The following ERBB4 variants were observed in gnomAD, a reference collection of about 807,000 sequenced individuals.
The protein encoded by ERBB4 is erb-b2 receptor tyrosine kinase 4.
Under a neutral mutation model 158.0 loss-of-function variants are expected in ERBB4, and 42 were observed. That is an observed-to-expected ratio of 0.27 (90% CI 0.21 to 0.34). The LOEUF is 0.34. Among genes scored for constraint, ERBB4 ranks in the 10% least tolerant of loss-of-function variants. ERBB4 has a pLI of 1.00. For missense variants in ERBB4, 1,333 were observed against 1,624.1 expected, an observed-to-expected ratio of 0.82 and a Z score of 3.08; for synonymous variants, 583 against 558.7, an observed-to-expected ratio of 1.04 and a Z score of -0.61.
At chr2:211,785,575 C>G (rs1008314300) in intron 4 of ERBB4, among the ~76,000 whole-genome samples, 1 of 152,016 alleles carries the variant, frequency 6.6e-6, no homozygotes, top group African/African-American at 2.4e-5. Flanking sequence ...GTCTGTAATT[C>G]GCTTTTGAGT....
intron 1 of ERBB4, among the ~76,000 whole-genome samples, chr2:212,140,483 AG>A (rs2080422359): frequency 6.8e-6 from 1 of 147,646 alleles, no homozygotes; most frequent in African/African-American, 2.5e-5. Flanking sequence ...ACTAGTTTTA[AG>A]TATTGTAAAT....
chr2:212,061,311 G>A (rs1162917503), intron 2 of ERBB4, among the ~76,000 whole-genome samples: 4 of 151,582 alleles, frequency 2.6e-5, no homozygotes, highest in African/African-American at 9.7e-5. Context: ...AACTTAGCAG[G>A]GTGTGGTGGT....
chr2:212,516,222 T>C (rs896982014), intron 1 of ERBB4, among the ~76,000 whole-genome samples: 1 of 152,042 alleles, frequency 6.6e-6, no homozygotes, highest in African/African-American at 2.4e-5. Context: ...ATAGTAGTGA[T>C]TATTTCTAAG....
At chr2:211,849,046 C>T (rs1248414930) in intron 3 of ERBB4, among the ~76,000 whole-genome samples, 1 of 151,912 alleles carries the variant, frequency 6.6e-6, no homozygotes, top group Non-Finnish European at 1.5e-5. Flanking sequence ...TTTTTTAAAT[C>T]CCTGCTAATT....
At chr2:211,782,311 G>A (rs1410870004) in intron 4 of ERBB4, among the ~76,000 whole-genome samples, 1 of 152,194 alleles carries the variant, frequency 6.6e-6, no homozygotes, top group Non-Finnish European at 1.5e-5. Flanking sequence ...AGACTGTGAA[G>A]TTGATGCTTT....
intron 1 of ERBB4, among the ~76,000 whole-genome samples, chr2:212,347,186 A>G (rs1204683160): frequency 6.6e-6 from 1 of 152,144 alleles, no homozygotes; most frequent in Non-Finnish European, 1.5e-5. Flanking sequence ...GAGATTTGAT[A>G]TGCAGATAAA....
At chr2:212,312,080 G>T (rs539893876) in intron 1 of ERBB4, among the ~76,000 whole-genome samples, 7 of 151,100 alleles carry the variant, frequency 4.6e-5, no homozygotes, top group Admixed American at 2.0e-4. Context: ...AGAAAGCGAA[G>T]ATTTTTCCTG....
intron 1 of ERBB4, among the ~76,000 whole-genome samples, chr2:212,502,908 C>T (rs1469977518): frequency 6.6e-6 from 1 of 152,016 alleles, no homozygotes; most frequent in East Asian, 1.9e-4. Flanking sequence ...GTAGCTGGGA[C>T]TACAGGAACA....
intron 16 of ERBB4, among the ~76,000 whole-genome samples, chr2:211,649,047 T>C (rs1292938703): frequency 6.6e-6 from 1 of 151,892 alleles, no homozygotes; most frequent in Non-Finnish European, 1.5e-5. Flanking sequence ...GATTAGTTTA[T>C]CTGATGTATT....
rs532716992 is a variant in ERBB4 at position 212,325,463 on chromosome 2, T to C, written c.83-200560A>G. ...AAAGAGAGATTAAAATCTTCTGAAATTGGTTAATTGATTGCCTGACAGTTA... is the reference window on the plus strand; with the variant it reads ...AAAGAGAGATTAAAATCTTCTGAAACTGGTTAATTGATTGCCTGACAGTTA... On this transcript the variant is annotated intron_variant, in intron 1 of 27. Coordinates refer to ENST00000342788, the MANE Select transcript of ERBB4 (RefSeq NM_005235.3). 3.0e-4 allele frequency among the ~76,000 whole-genome samples: 45 copies of C among 150,896 alleles called. 2 individuals carry two copies. The highest frequency in any genetic ancestry group is 2.8e-3 in the Admixed American group (42 of 15,136).
rs544382524 is a variant in ERBB4 at position 212,008,289 on chromosome 2, C to T, written c.235-60673G>A. 2.0e-4 allele frequency among the ~76,000 whole-genome samples: 31 copies of T among 152,102 alleles called. No individual in the cohort carries two copies. In the South Asian group the frequency reaches 3.1e-3, roughly 15 times the overall value. ...TGTCATTTGTTTTTGGATTCCCCTA[C>T]GACACAGTCGAGATTTATTTATTTA... On this transcript the variant is annotated intron_variant, in intron 2 of 27. Coordinates refer to ENST00000342788, the MANE Select transcript of ERBB4 (RefSeq NM_005235.3).
intron 3 of ERBB4, among the ~76,000 whole-genome samples, chr2:211,790,624 A>T (rs2076258141): frequency 6.6e-6 from 1 of 152,022 alleles, no homozygotes; most frequent in Non-Finnish European, 1.5e-5. Context: ...AATCCAGCAT[A>T]ATCTTACACG....
intron 3 of ERBB4, among the ~76,000 whole-genome samples, chr2:211,944,416 T>C (rs1005823926): frequency 2.0e-5 from 3 of 151,630 alleles, no homozygotes; most frequent in Admixed American, 6.6e-5. Flanking sequence ...ACAAAGTTGA[T>C]GTTTGGCAAA....
intron 2 of ERBB4, among the ~76,000 whole-genome samples, chr2:212,114,647 T>C (rs2079519078): frequency 6.6e-6 from 1 of 152,134 alleles, no homozygotes; most frequent in African/African-American, 2.4e-5. Context: ...CCTCATTGAG[T>C]TTTTGATGAA....
intron 25 of ERBB4, among the ~76,000 whole-genome samples, chr2:211,415,077 TAAGGCA>T (rs1427297424): frequency 6.7e-6 from 1 of 148,766 alleles, no homozygotes; most frequent in African/African-American, 2.5e-5. Flanking sequence ...ATTGAAATAC[TAAGGCA>T]AATCCCATTG....
chr2:212,004,728 T>G (rs1439424786), intron 2 of ERBB4, among the ~76,000 whole-genome samples: 1 of 152,062 alleles, frequency 6.6e-6, no homozygotes, highest in Non-Finnish European at 1.5e-5. Flanking sequence ...ATTAATCAAT[T>G]AAAGATTTCT....
intron 13 of ERBB4, among the ~76,000 whole-genome samples, chr2:211,676,867 A>G (rs2072096393): frequency 6.6e-6 from 1 of 152,224 alleles, no homozygotes; most frequent in South Asian, 2.1e-4. Flanking sequence ...AAAAGCAAGC[A>G]TATTTTGATC....
chr2:212,191,950 TA>T, intron 1 of ERBB4, among the ~76,000 whole-genome samples: 1 of 114,144 alleles, frequency 8.8e-6, no homozygotes, highest in African/African-American at 3.4e-5. Flanking sequence ...ATGCATATGT[TA>T]TATATGTTAT....
At chr2:211,485,286 T>G (rs1452612945) in intron 20 of ERBB4, among the ~76,000 whole-genome samples, 2 of 152,200 alleles carry the variant, frequency 1.3e-5, no homozygotes, top group Admixed American at 6.6e-5. Flanking sequence ...AAGGCATACA[T>G]AATGTAAACA....
Sources: allele counts gnomAD v4.1 joint callset (sites outside exome capture counted in the v4.1 genomes callset), GRCh38; gene constraint gnomAD v4.1.1; transcripts MANE v1.5; gene names NCBI Gene and HGNC (gene_info 2026-07-23, HGNC 2026-07-21).